The following CNTNAP5 variants were observed in gnomAD, a reference collection of about 807,000 sequenced individuals.
CNTNAP5 encodes contactin associated protein family member 5.
Under a neutral mutation model 150.2 loss-of-function variants are expected in CNTNAP5, and 72 were observed. The observed-to-expected ratio is 0.48, with a 90% confidence interval of 0.40 to 0.58. The LOEUF (loss-of-function observed/expected upper bound fraction) is 0.58, where lower values mean the gene tolerates loss of function less well. Ranked by LOEUF, CNTNAP5 falls within the 20% of genes least tolerant of loss-of-function variation. The pLI is 0.00. For missense variants in CNTNAP5, 1,636 were observed against 1,626.2 expected, an observed-to-expected ratio of 1.01 and a Z score of -0.10; for synonymous variants, 672 against 619.8, an observed-to-expected ratio of 1.08 and a Z score of -1.25.
At chr2:124,238,963 C>T (rs991725898) in intron 2 of CNTNAP5, among the ~76,000 whole-genome samples, 3 of 152,156 alleles carry the variant, frequency 2.0e-5, no homozygotes, top group Admixed American at 1.3e-4. Flanking sequence ...AAAGAGTCCT[C>T]GGCAATTATC....
chr2:124,197,233 C>A (rs1685608405), intron 1 of CNTNAP5, among the ~76,000 whole-genome samples: 1 of 152,138 alleles, frequency 6.6e-6, no homozygotes, highest in South Asian at 2.1e-4. Context: ...CTCCTTCCTC[C>A]ACCTTTGCAG....
At chr2:124,300,752 T>G (rs1688553053) in intron 3 of CNTNAP5, among the ~76,000 whole-genome samples, 1 of 152,198 alleles carries the variant, frequency 6.6e-6, no homozygotes, top group Non-Finnish European at 1.5e-5. Flanking sequence ...CTGCAAGGAC[T>G]TAGAACAGGT....
At chr2:124,102,160 A>T (rs1683080535) in intron 1 of CNTNAP5, among the ~76,000 whole-genome samples, 1 of 152,178 alleles carries the variant, frequency 6.6e-6, no homozygotes, top group Non-Finnish European at 1.5e-5. Flanking sequence ...AGTAAAATAC[A>T]TTGTATTTTT....
chr2:124,901,719 C>T (rs779850797), intron 21 of CNTNAP5, among the ~76,000 whole-genome samples: 5 of 152,098 alleles, frequency 3.3e-5, no homozygotes, highest in Admixed American at 6.6e-5. Context: ...ACACCAGCCA[C>T]ATAACAATAC....
chr2:124,626,906 C>T (rs1050556031), intron 12 of CNTNAP5, among the ~76,000 whole-genome samples: 5 of 152,094 alleles, frequency 3.3e-5, no homozygotes, highest in African/African-American at 4.8e-5. Flanking sequence ...CTTTAGTTTT[C>T]CCCTGACAGT....
At chr2:124,828,353 C>A (rs937827754) in intron 19 of CNTNAP5, among the ~76,000 whole-genome samples, 18 of 151,938 alleles carry the variant, frequency 1.2e-4, no homozygotes, top group Admixed American at 2.0e-4. Context: ...TGGTGGCAGG[C>A]ACCTGTAGTC....
chr2:124,639,508 C>A (rs1678045379), intron 12 of CNTNAP5, among the ~76,000 whole-genome samples: 1 of 152,162 alleles, frequency 6.6e-6, no homozygotes, highest in Non-Finnish European at 1.5e-5. Context: ...TAAATGCTGC[C>A]TTTGGATATC....
At chr2:124,134,199 G>T (rs1282814694) in intron 1 of CNTNAP5, among the ~76,000 whole-genome samples, 1 of 152,000 alleles carries the variant, frequency 6.6e-6, no homozygotes, top group Non-Finnish European at 1.5e-5. Flanking sequence ...GCTTCTCAGG[G>T]GTTCGTTCCA....
chr2:124,740,152 A>G (rs1680468085), intron 13 of CNTNAP5, among the ~76,000 whole-genome samples: 1 of 151,306 alleles, frequency 6.6e-6, no homozygotes, highest in Non-Finnish European at 1.5e-5. Flanking sequence ...TTTACATATA[A>G]TTATATATGT....
intron 8 of CNTNAP5, among the ~76,000 whole-genome samples, chr2:124,517,747 T>G (rs1438486461): frequency 6.9e-6 from 1 of 144,402 alleles, no homozygotes; most frequent in Non-Finnish European, 1.5e-5. Context: ...GGTTTTGGTG[T>G]TGGTGATGGG....
chr2:124,373,891 AATT>A (rs1690587256), intron 3 of CNTNAP5, among the ~76,000 whole-genome samples: 1 of 152,084 alleles, frequency 6.6e-6, no homozygotes, highest in Admixed American at 6.6e-5. Context: ...CTATTAATAA[AATT>A]ATATTTATGA....
intron 4 of CNTNAP5, among the ~76,000 whole-genome samples, chr2:124,427,195 A>T (rs1692258211): frequency 6.6e-6 from 1 of 152,146 alleles, no homozygotes; most frequent in Non-Finnish European, 1.5e-5. Flanking sequence ...ATTAATATGA[A>T]GGAAAACATT....
intron 1 of CNTNAP5, among the ~76,000 whole-genome samples, chr2:124,077,587 C>A (rs1215384967): frequency 7.9e-5 from 12 of 152,198 alleles, no homozygotes; most frequent in Admixed American, 2.0e-4. Context: ...GAAGCCTAAC[C>A]ATTTGTCACA....
At chr2:124,860,858 G>A (rs182260668) in intron 19 of CNTNAP5, among the ~76,000 whole-genome samples, 1 of 152,220 alleles carries the variant, frequency 6.6e-6, no homozygotes, top group Non-Finnish European at 1.5e-5. Context: ...TCAACCTAAT[G>A]AGAAGGGCAT....
intron 19 of CNTNAP5, among the ~76,000 whole-genome samples, chr2:124,845,860 A>T (rs1398878793): frequency 1.3e-5 from 2 of 151,532 alleles, no homozygotes; most frequent in Non-Finnish European, 2.9e-5. Context: ...AATTGAGCTT[A>T]TTTGGATCTT....
At chr2:124,344,857 C>A (rs919357517) in intron 3 of CNTNAP5, among the ~76,000 whole-genome samples, 8 of 152,160 alleles carry the variant, frequency 5.3e-5, no homozygotes, top group African/African-American at 1.7e-4. Flanking sequence ...ACATGCTGGG[C>A]AAACTGGCAT....
At chr2:124,307,228 C>G (rs953015066) in intron 3 of CNTNAP5, among the ~76,000 whole-genome samples, 1 of 152,008 alleles carries the variant, frequency 6.6e-6, no homozygotes, top group Non-Finnish European at 1.5e-5. Context: ...GTCACATGGC[C>G]CTTCCTTGGT....
intron 4 of CNTNAP5, among the ~76,000 whole-genome samples, chr2:124,419,469 A>G (rs1304276547): frequency 6.6e-6 from 1 of 152,202 alleles, no homozygotes; most frequent in Non-Finnish European, 1.5e-5. Flanking sequence ...ATCCAGAAAA[A>G]TAATAACGAT....
Position 124,688,276 on chromosome 2 carries a change from A to T in CNTNAP5, c.2077+40318A>T, listed in dbSNP as rs999177107. Among the ~76,000 whole-genome samples the T allele has an allele frequency of 9.2e-5, 14 of 152,140 alleles. 2 individuals are homozygous for T. In the South Asian group the frequency reaches 1.0e-3, roughly 11 times the overall value. On this transcript the variant is annotated intron_variant, in intron 13 of 23. Coordinates refer to ENST00000682447, the MANE Select transcript of CNTNAP5 (RefSeq NM_001367498.1). The stretch of plus-strand genomic sequence containing the variant: ...GGAAATGCTGGAATAAAGTTTTTTT[A>T]AAAAAACGAATAGAATCCTGAGGGC...
Sources: gnomAD v4.1 joint callset for allele counts (sites outside exome capture counted in the v4.1 genomes callset) on GRCh38, gnomAD v4.1.1 for gene constraint, MANE v1.5 for transcripts, NCBI Gene and HGNC (gene_info 2026-07-23, HGNC 2026-07-21) for gene names.